The following ERC1 variants were observed in gnomAD, a reference collection of about 807,000 sequenced individuals.
The protein encoded by ERC1 is RAB6 interacting protein 2.
Under a neutral mutation model 132.0 loss-of-function variants are expected in ERC1, and 56 were observed. The observed-to-expected ratio is 0.42, with a 90% CI of 0.34 to 0.53. ERC1 has a LOEUF of 0.53. Among genes scored for constraint, ERC1 ranks in the 20% least tolerant of loss-of-function variants. The pLI, the probability that ERC1 is intolerant of heterozygous loss-of-function variation, is 0.03. For missense variants in ERC1, 1,202 were observed against 1,349.9 expected (o/e 0.89, Z 1.72); for synonymous variants, 478 against 476.1 (o/e 1.00, Z -0.05).
chr12:1,200,176 A>T (rs1956772800), intron 12 of ERC1, among the ~76,000 whole-genome samples: 1 of 152,184 alleles, frequency 6.6e-6, no homozygotes, highest in Non-Finnish European at 1.5e-5. Context: ...TTTATTTTTC[A>T]TAAATCTTCT....
chr12:1,406,919 A>G (rs919519952), intron 16 of ERC1, among the ~76,000 whole-genome samples: 3 of 152,210 alleles, frequency 2.0e-5, no homozygotes, highest in Non-Finnish European at 2.9e-5. Context: ...GAGTATTTTT[A>G]AATCATACAG....
At chr12:1,193,576 A>G (rs896358264) in intron 12 of ERC1, among the ~76,000 whole-genome samples, 2 of 152,174 alleles carry the variant, frequency 1.3e-5, no homozygotes, top group African/African-American at 2.4e-5. Flanking sequence ...TAAGAGATTT[A>G]TTACAGAGAA....
At chr12:1,022,545 G>A (rs1966536191) in intron 1 of ERC1, among the ~76,000 whole-genome samples, 1 of 152,196 alleles carries the variant, frequency 6.6e-6, no homozygotes, top group Non-Finnish European at 1.5e-5. Flanking sequence ...TGTGTCCCCA[G>A]CAATCTCATC....
intron 15 of ERC1, among the ~76,000 whole-genome samples, chr12:1,360,963 A>G (rs776650273): frequency 8.6e-5 from 13 of 151,804 alleles, no homozygotes; most frequent in African/African-American, 1.2e-4. Flanking sequence ...GATGCCAGCT[A>G]CTTGGTATGT....
intron 8 of ERC1, among the ~76,000 whole-genome samples, chr12:1,160,956 A>G (rs940630766): frequency 6.6e-6 from 1 of 152,142 alleles, no homozygotes; most frequent in Non-Finnish European, 1.5e-5. Context: ...CCACCTACAC[A>G]TATTTTCCTA....
At chr12:1,362,434 G>GTCTCTC (rs528652390) in intron 15 of ERC1, among the ~76,000 whole-genome samples, 3 of 150,906 alleles carry the variant, frequency 2.0e-5, no homozygotes, top group African/African-American at 4.9e-5. Context: ...TCAGAGCTCT[G>GTCTCTC]TCTCTCTCTC....
chr12:1,146,888 C>T (rs191191088), intron 8 of ERC1, among the ~76,000 whole-genome samples: 48 of 151,298 alleles, frequency 3.2e-4, no homozygotes, highest in Middle Eastern at 3.4e-3. Context: ...GTTTTTTGTC[C>T]TTGTGATAGT....
At chr12:1,178,374 G>A (rs1953975408) in intron 8 of ERC1, among the ~76,000 whole-genome samples, 1 of 152,146 alleles carries the variant, frequency 6.6e-6, no homozygotes, top group East Asian at 1.9e-4. Context: ...GATCTGAGAT[G>A]TACTGTATAG....
chr12:1,053,706 T>C (rs1349653965), intron 2 of ERC1, among the ~76,000 whole-genome samples: 1 of 152,238 alleles, frequency 6.6e-6, no homozygotes, highest in African/African-American at 2.4e-5. Context: ...TTGCTAGAAC[T>C]CTTTATCTTC....
intron 16 of ERC1, among the ~76,000 whole-genome samples, chr12:1,398,176 G>A (rs2090703650): frequency 6.6e-6 from 1 of 151,980 alleles, no homozygotes. Context: ...TAGAGATGGG[G>A]TTTCACCATG....
chr12:1,323,337 G>C (rs897181717), intron 15 of ERC1, among the ~76,000 whole-genome samples: 4 of 152,098 alleles, frequency 2.6e-5, no homozygotes, highest in Non-Finnish European at 4.4e-5. Flanking sequence ...TTGAATATTA[G>C]CTTTCCTGAC....
At chr12:1,188,670 T>C (rs1361356350) in intron 11 of ERC1, among the ~76,000 whole-genome samples, 1 of 152,214 alleles carries the variant, frequency 6.6e-6, no homozygotes, top group African/African-American at 2.4e-5. Flanking sequence ...AAAGGACTTA[T>C]CTTAAAAGTA....
chr12:1,464,549 T>A (rs1013306803), intron 18 of ERC1, among the ~76,000 whole-genome samples: 2 of 134,972 alleles, frequency 1.5e-5, no homozygotes, highest in Non-Finnish European at 3.1e-5. Flanking sequence ...AGACAGAGTT[T>A]CGCTCCGTTG....
chr12:1,224,956 G>C (rs184074107), intron 12 of ERC1, among the ~76,000 whole-genome samples: 1 of 151,992 alleles, frequency 6.6e-6, no homozygotes, highest in Admixed American at 6.6e-5. Context: ...TTTAGCCTAG[G>C]TGAGTAAGTG....
chr12:1,462,478 A>G (rs1016913039), intron 18 of ERC1, among the ~76,000 whole-genome samples: 3 of 152,254 alleles, frequency 2.0e-5, no homozygotes, highest in African/African-American at 7.2e-5. Flanking sequence ...TATATCATTA[A>G]TGGAATACTA....
intron 15 of ERC1, among the ~76,000 whole-genome samples, chr12:1,363,243 T>C (rs886173858): frequency 1.3e-5 from 2 of 152,204 alleles, no homozygotes; most frequent in Non-Finnish European, 2.9e-5. Context: ...TTTTTGCCCA[T>C]CTGAGAAGCA....
intron 3 of ERC1, among the ~76,000 whole-genome samples, chr12:1,096,875 C>T (rs1464748904): frequency 6.6e-6 from 1 of 152,124 alleles, no homozygotes; most frequent in Non-Finnish European, 1.5e-5. Context: ...CTCTCCCTTC[C>T]CTCTAAAAGT....
chr12:1,118,325 T>C (rs565580758), intron 7 of ERC1, among the ~76,000 whole-genome samples: 149 of 152,296 alleles, frequency 9.8e-4, no homozygotes, highest in African/African-American at 3.5e-3. Context: ...TAAATGACTT[T>C]TCCCCCTTGG....
At chr12:1,063,972 G>A (rs1253317499) in intron 2 of ERC1, among the ~76,000 whole-genome samples, 2 of 152,110 alleles carry the variant, frequency 1.3e-5, no homozygotes, top group East Asian at 1.9e-4. Context: ...CTGGTTTAGT[G>A]GTGAATTTTT....
Sources: allele counts gnomAD v4.1 joint callset (sites outside exome capture counted in the v4.1 genomes callset), GRCh38; gene constraint gnomAD v4.1.1; transcripts MANE v1.5; gene names NCBI Gene and HGNC (gene_info 2026-07-23, HGNC 2026-07-21).